FBLN5: variants seen among roughly 807,000 people sequenced by gnomAD.
The protein encoded by FBLN5 is fibulin 5.
In FBLN5, 24 loss-of-function variants were observed where a neutral mutation model predicts 61.6. The ratio of observed to expected loss-of-function variants is 0.39; its 90% CI spans 0.28 to 0.55. The LOEUF is 0.55. Ranked by LOEUF, FBLN5 falls within the 20% of genes least tolerant of loss-of-function variation. FBLN5 has a pLI of 0.65. For synonymous variants in FBLN5, 213 were observed against 219.8 expected, an observed-to-expected ratio of 0.97 and a Z score of 0.27; for missense variants, 470 against 594.1, an observed-to-expected ratio of 0.79 and a Z score of 2.17.
chr14:91,922,314 G>GTAAATAAA (rs3031542), intron 4 of FBLN5, among the ~76,000 whole-genome samples: 2,125 of 143,518 alleles, frequency 0.015, 27 homozygotes, highest in Admixed American at 0.022. Flanking sequence ...TAATAATAAA[G>GTAAATAAA]TAAATAAATA....
At chr14:91,916,378 C>T (rs989648601) in intron 4 of FBLN5, among the ~76,000 whole-genome samples, 14 of 152,118 alleles carry the variant, frequency 9.2e-5, no homozygotes, top group Admixed American at 7.2e-4. Context: ...ACGTGGGAGG[C>T]GGAGGTTGCC....
intron 4 of FBLN5, among the ~76,000 whole-genome samples, chr14:91,909,936 T>C (rs1890849729): frequency 6.6e-6 from 1 of 152,156 alleles, no homozygotes; most frequent in African/African-American, 2.4e-5. Flanking sequence ...GAATGTAAAA[T>C]TGGGTAGCCA....
chr14:91,875,120 G>A (rs1017906502), intron 10 of FBLN5, among the ~76,000 whole-genome samples: 2 of 152,106 alleles, frequency 1.3e-5, no homozygotes, highest in African/African-American at 4.8e-5. Context: ...ATGAGCCCCT[G>A]TGCCCAACTC....
chr14:91,921,419 C>T (rs1157397716), intron 4 of FBLN5, among the ~76,000 whole-genome samples: 4 of 152,140 alleles, frequency 2.6e-5, no homozygotes, highest in African/African-American at 9.7e-5. Flanking sequence ...TACAAGGCAA[C>T]GTTTCTTCCC....
Position 91,940,567 on chromosome 14 carries a change from A to G in FBLN5, c.122T>C (p.Leu41Ser). ...GAAGGATCCACAGTGGCTCATACCTAAACACTGTCCTGACTGGCGATCCAG... is the reference window on the plus strand; with the variant it reads ...GAAGGATCCACAGTGGCTCATACCTGAACACTGTCCTGACTGGCGATCCAG... The part of the protein sequence containing the change: ...FDLDRQSGQC[L>S]DIDECRTIPE... Residue 41 changes from leucine (L) to serine (S), a missense_variant and splice_region_variant, in exon 3 of 11, where the codon TTA (leucine) becomes TCA (serine). Coordinates refer to ENST00000342058, the MANE Select transcript of FBLN5 (RefSeq NM_006329.4). The G allele has an allele frequency of 6.2e-7, 1 of 1,613,672 alleles. No homozygotes were observed. The highest frequency in any genetic ancestry group is 8.5e-7 in the Non-Finnish European group (1 of 1,179,704).
At chr14:91,884,796 A>T (rs1229701040) in intron 7 of FBLN5, among the ~76,000 whole-genome samples, 2 of 152,064 alleles carry the variant, frequency 1.3e-5, no homozygotes, top group Admixed American at 1.3e-4. Context: ...CCTACTCCCA[A>T]CTCCCACTGG....
At chr14:91,934,909 C>T (rs527281249) in intron 4 of FBLN5, among the ~76,000 whole-genome samples, 1 of 152,186 alleles carries the variant, frequency 6.6e-6, no homozygotes, top group African/African-American at 2.4e-5. Flanking sequence ...TACTTCCCCC[C>T]ACCCCCACAA....
At chr14:91,928,303 A>T (rs1051868499) in intron 4 of FBLN5, among the ~76,000 whole-genome samples, 1 of 152,350 alleles carries the variant, frequency 6.6e-6, no homozygotes, top group African/African-American at 2.4e-5. Context: ...AAACCTGAGA[A>T]ATCATCAGAA....
At chr14:91,935,715 C>T (rs994827899) in intron 4 of FBLN5, among the ~76,000 whole-genome samples, 10 of 152,172 alleles carry the variant, frequency 6.6e-5, no homozygotes, top group Non-Finnish European at 1.2e-4. Context: ...AAAAAAAAGT[C>T]CCTTCCAGTT....
At chr14:91,870,666 C>G (rs1888881289) in intron 10 of FBLN5, among the ~76,000 whole-genome samples, 1 of 152,230 alleles carries the variant, frequency 6.6e-6, no homozygotes, top group Admixed American at 6.5e-5. Context: ...TTACTTTGTA[C>G]AGGATGGAAA....
chr14:91,878,015 G>A, intron 9 of FBLN5: 1 of 477,138 alleles, frequency 2.1e-6, no homozygotes, highest in Non-Finnish European at 4.1e-6. Flanking sequence ...TCCAGCCTGG[G>A]CGGCAGAGCA....
intron 4 of FBLN5, among the ~76,000 whole-genome samples, chr14:91,915,382 C>A (rs997813827): frequency 1.3e-5 from 2 of 152,014 alleles, no homozygotes; most frequent in Non-Finnish European, 2.9e-5. Flanking sequence ...AGTCCCCTAA[C>A]TTTAAGAAAT....
chr14:91,915,345 A>G (rs1232962582), intron 4 of FBLN5, among the ~76,000 whole-genome samples: 1 of 152,104 alleles, frequency 6.6e-6, no homozygotes, highest in Non-Finnish European at 1.5e-5. Context: ...TGTAAAACTG[A>G]CTTAAGAAGA....
chr14:91,941,582 T>A (rs2056105517), intron 2 of FBLN5, among the ~76,000 whole-genome samples: 2 of 152,006 alleles, frequency 1.3e-5, no homozygotes, highest in South Asian at 4.2e-4. Context: ...CCCAGGGAGT[T>A]GGGGCAAAGG....
At position 91,943,351 on chromosome 14, in the gene FBLN5, TA is replaced by T. The variant is rs888095051; in HGVS notation, c.18-391del. Among the ~76,000 whole-genome samples, 1 of 149,308 alleles carries T rather than the reference TA, an allele frequency of 6.7e-6. No individual in the cohort carries two copies. On this transcript the variant is annotated intron_variant, in intron 1 of 10. Transcript: ENST00000342058. The surrounding 1 kb of genome is among the most constrained non-coding windows in gnomAD (Gnocchi z 4.0). ...TGGTGAAACCCCATTTCTACAAAAT[TA>T]AAAAAAAAATTAACTGGGCATGATA...
At chr14:91,907,841 A>G (rs1194754455) in intron 4 of FBLN5, among the ~76,000 whole-genome samples, 1 of 152,112 alleles carries the variant, frequency 6.6e-6, no homozygotes, top group African/African-American at 2.4e-5. Context: ...CTCCAGTGAG[A>G]TGCCCCCCAC....
chr14:91,886,207 G>A (rs1454850516), intron 7 of FBLN5, among the ~76,000 whole-genome samples: 1 of 152,198 alleles, frequency 6.6e-6, no homozygotes. Flanking sequence ...GCACAGTGAA[G>A]CATTATTAAT....
At chr14:91,912,734 C>T (rs906123128) in intron 4 of FBLN5, among the ~76,000 whole-genome samples, 1 of 148,966 alleles carries the variant, frequency 6.7e-6, no homozygotes, top group Non-Finnish European at 1.5e-5. Context: ...CGCTTGAGCC[C>T]GGGAAATCGA....
intron 4 of FBLN5, among the ~76,000 whole-genome samples, chr14:91,933,977 T>C (rs1366867838): frequency 1.3e-5 from 2 of 151,948 alleles, no homozygotes; most frequent in Non-Finnish European, 2.9e-5. Flanking sequence ...CCAGGCATGG[T>C]GGCACATGCC....
Sources: allele counts gnomAD v4.1 joint callset (sites outside exome capture counted in the v4.1 genomes callset), GRCh38; gene constraint gnomAD v4.1.1; non-coding constraint Gnocchi (gnomAD v3.1); transcripts MANE v1.5; gene names NCBI Gene and HGNC (gene_info 2026-07-23, HGNC 2026-07-21).